The following DLC1 variants were observed in gnomAD, a reference collection of about 807,000 sequenced individuals.
The protein encoded by DLC1 is DLC1 Rho GTPase activating protein.
In DLC1, 54 loss-of-function variants were observed where a neutral mutation model predicts 140.3. The observed-to-expected ratio is 0.38, with a 90% CI of 0.31 to 0.48. The LOEUF (loss-of-function observed/expected upper bound fraction) is 0.48, where lower values mean the gene tolerates loss of function less well. DLC1 is among the 20% of genes least tolerant of loss of function. The pLI is 0.96. For missense variants in DLC1, 2,536 were observed against 1,907.0 expected, an observed-to-expected ratio of 1.33 and a Z score of -6.14; for synonymous variants, 986 against 728.1, an observed-to-expected ratio of 1.35 and a Z score of -5.70.
chr8:13,215,142 G>A (rs1020435592), intron 5 of DLC1, among the ~76,000 whole-genome samples: 14 of 152,148 alleles, frequency 9.2e-5, no homozygotes, highest in African/African-American at 1.9e-4. Flanking sequence ...TGCTAACGGA[G>A]CCTACTTTCT....
At chr8:13,508,481 G>A (rs533803876) in intron 1 of DLC1, among the ~76,000 whole-genome samples, 16 of 151,018 alleles carry the variant, frequency 1.1e-4, no homozygotes, top group Admixed American at 7.3e-4. Context: ...GCAGTGGCGC[G>A]ATCTGGGCTC....
intron 2 of DLC1, among the ~76,000 whole-genome samples, chr8:13,435,565 C>T (rs140958536): frequency 0.01 from 1,569 of 152,188 alleles, 26 homozygotes; most frequent in African/African-American, 0.035. Flanking sequence ...CCGCCCGCCT[C>T]GGCCTCCCAA....
chr8:13,284,521 C>T (rs751327983), intron 5 of DLC1, among the ~76,000 whole-genome samples: 3 of 151,108 alleles, frequency 2.0e-5, no homozygotes, highest in Non-Finnish European at 2.9e-5. Flanking sequence ...AGCAAGATTC[C>T]GTCTGAAAAA....
intron 1 of DLC1, among the ~76,000 whole-genome samples, chr8:13,587,102 A>ACACACACG (rs760957250): frequency 5.9e-5 from 9 of 151,648 alleles, no homozygotes; most frequent in African/African-American, 2.2e-4. Flanking sequence ...ACACACACAC[A>ACACACACG]CACATTCATG....
At chr8:13,169,617 G>A (rs1825324825) in intron 5 of DLC1, among the ~76,000 whole-genome samples, 1 of 152,128 alleles carries the variant, frequency 6.6e-6, no homozygotes, top group Admixed American at 6.5e-5. Context: ...TTAATCTTTG[G>A]AAACTCAGTT....
chr8:13,545,337 A>G (rs952523704), intron 1 of DLC1, among the ~76,000 whole-genome samples: 1 of 150,578 alleles, frequency 6.6e-6, no homozygotes, highest in Non-Finnish European at 1.5e-5. Context: ...ATATACTTTA[A>G]ATATAATATA....
intron 1 of DLC1, among the ~76,000 whole-genome samples, chr8:13,589,484 A>G (rs1805444816): frequency 5.3e-5 from 8 of 152,132 alleles, no homozygotes; most frequent in Admixed American, 4.6e-4. Context: ...CATTCAGGGG[A>G]AAGTTGGCTT....
chr8:13,372,452 G>T (rs1380804677), intron 4 of DLC1, among the ~76,000 whole-genome samples: 1 of 152,154 alleles, frequency 6.6e-6, no homozygotes. Flanking sequence ...CCAAGAAAAT[G>T]TCCAAACAAA....
intron 4 of DLC1, among the ~76,000 whole-genome samples, chr8:13,335,948 T>C (rs942369325): frequency 6.6e-6 from 1 of 152,178 alleles, no homozygotes; most frequent in African/African-American, 2.4e-5. Flanking sequence ...AAATTGTTTT[T>C]ACAAATTATA....
At chr8:13,148,215 A>G (rs1382167407) in intron 5 of DLC1, among the ~76,000 whole-genome samples, 2 of 152,022 alleles carry the variant, frequency 1.3e-5, no homozygotes, top group African/African-American at 2.4e-5. Flanking sequence ...TTTGTTGTAC[A>G]GATTATTTCA....
intron 5 of DLC1, chr8:13,276,168 T>G (rs1563217840): frequency 8.1e-6 from 12 of 1,479,546 alleles, no homozygotes; most frequent in Non-Finnish European, 9.9e-6. Flanking sequence ...GATGAGATCA[T>G]TCATGAACCA....
chr8:13,213,389 A>C (rs545167436), intron 5 of DLC1, among the ~76,000 whole-genome samples: 1 of 152,368 alleles, frequency 6.6e-6, no homozygotes, highest in Non-Finnish European at 1.5e-5. Flanking sequence ...TTCTACATAC[A>C]GATTAAAGAA....
intron 5 of DLC1, among the ~76,000 whole-genome samples, chr8:13,262,697 ATTAC>A (rs1830513275): frequency 6.6e-6 from 1 of 152,118 alleles, no homozygotes; most frequent in Non-Finnish European, 1.5e-5. Context: ...AGGTGCTGGG[ATTAC>A]AGGCATGAGC....
rs57585674 is a variant in DLC1, at chr8:13,319,821, C to CT, written c.1315-14520dup. Among the ~76,000 whole-genome samples the CT allele has an allele frequency of 3.2e-3, 287 of 88,984 alleles. 7 individuals are homozygous for CT. Among genetic ancestry groups the CT allele is most frequent in the African/African-American group, 0.012 (267 of 21,978 alleles). The allele number at this position is 88,984 out of a possible 152,430, so 58.4% of individuals were successfully genotyped here. A position where few individuals can be genotyped will look rare whatever the true frequency, so the allele number is the denominator to read the frequency against. ...AACCATTGTTTAATTCTCTCTCTCT[C>CT]TTTTTTTTTTTTTTTTTTTGAGATG... On this transcript the variant is annotated intron_variant, in intron 4 of 17. Transcript: ENST00000276297.
chr8:13,105,888 C>T (rs2128942434), intron 7 of DLC1, among the ~76,000 whole-genome samples: 1 of 152,196 alleles, frequency 6.6e-6, no homozygotes, highest in South Asian at 2.1e-4. Context: ...ATCTGTGTTC[C>T]TTTCTAATAT....
intron 2 of DLC1, among the ~76,000 whole-genome samples, chr8:13,442,610 A>C (rs1007655921): frequency 2.6e-5 from 4 of 152,260 alleles, no homozygotes; most frequent in Non-Finnish European, 5.9e-5. Context: ...AAAAATGCTC[A>C]TCATCACTGG....
At chr8:13,131,128 C>A (rs1179466038) in intron 5 of DLC1, among the ~76,000 whole-genome samples, 1 of 152,188 alleles carries the variant, frequency 6.6e-6, no homozygotes, top group South Asian at 2.1e-4. Flanking sequence ...TTACAGGGCA[C>A]CCCTCTGACC....
At chr8:13,159,502 C>T (rs1824520982) in intron 5 of DLC1, among the ~76,000 whole-genome samples, 2 of 152,160 alleles carry the variant, frequency 1.3e-5, no homozygotes, top group South Asian at 4.1e-4. Flanking sequence ...TGCCCTCTCC[C>T]TTGCTGAAGG....
At chr8:13,421,138 A>T (rs1380577888) in intron 2 of DLC1, among the ~76,000 whole-genome samples, 1 of 152,146 alleles carries the variant, frequency 6.6e-6, no homozygotes, top group African/African-American at 2.4e-5. Flanking sequence ...GTTTTCCAAA[A>T]CTCGATGACA....
Sources: allele counts gnomAD v4.1 joint callset (sites outside exome capture counted in the v4.1 genomes callset), GRCh38; gene constraint gnomAD v4.1.1; transcripts MANE v1.5; gene names NCBI Gene and HGNC (gene_info 2026-07-23, HGNC 2026-07-21).